Variants in DOCK1 observed in about 807,000 individuals in gnomAD.
DOCK1 encodes dedicator of cytokinesis protein 1.
A neutral mutation model predicts 262.7 loss-of-function variants in DOCK1; 138 were observed. The observed-to-expected ratio is 0.53, with a 90% CI of 0.46 to 0.61. The LOEUF (loss-of-function observed/expected upper bound fraction) is 0.61. Ranked by LOEUF, DOCK1 falls within the 20% of genes least tolerant of loss-of-function variation. The pLI, the probability that DOCK1 is intolerant of heterozygous loss-of-function variation, is 0.00. For missense variants in DOCK1, 1,908 were observed against 2,370.7 expected (o/e 0.80, Z 4.05); for synonymous variants, 866 against 867.4 (o/e 1.00, Z 0.03).
chr10:127,169,079 G>A (rs374481411), intron 27 of DOCK1, among the ~76,000 whole-genome samples: 2 of 152,104 alleles, frequency 1.3e-5, no homozygotes, highest in Admixed American at 1.3e-4. Flanking sequence ...GTCACATCAC[G>A]CAAACATGTT....
At chr10:127,331,104 A>C (rs1219192281) in intron 29 of DOCK1, among the ~76,000 whole-genome samples, 1 of 152,190 alleles carries the variant, frequency 6.6e-6, no homozygotes, top group Non-Finnish European at 1.5e-5. Flanking sequence ...AAGTGGCTAA[A>C]GGTGATATAG....
intron 1 of DOCK1, among the ~76,000 whole-genome samples, chr10:126,906,120 C>G (rs936844178): frequency 6.6e-6 from 1 of 152,214 alleles, no homozygotes; most frequent in Non-Finnish European, 1.5e-5. Context: ...TCGGCGGTCT[C>G]GCTGGGGACC....
chr10:127,253,475 A>G (rs982618476), intron 28 of DOCK1, among the ~76,000 whole-genome samples: 5 of 152,170 alleles, frequency 3.3e-5, no homozygotes, highest in Admixed American at 2.0e-4. Flanking sequence ...AGATTCTGCA[A>G]GGAAAAGGGC....
In DOCK1 at chr10:127,234,884, T is replaced by G. The variant is rs182254420; in HGVS notation, c.2848-13124T>G. Among the ~76,000 whole-genome samples, 396 of 149,766 alleles carry G rather than the reference T, an allele frequency of 2.6e-3. 1 individual carries two copies. Among genetic ancestry groups the G allele is most frequent in the African/African-American group, 9.2e-3 (380 of 41,160 alleles). On this transcript the variant is annotated intron_variant, in intron 27 of 51. Coordinates refer to ENST00000623213, the MANE Select transcript of DOCK1 (RefSeq NM_001290223.2). ...CTTATAGGACATGGTGATTTTCAGA[T>G]TTTCTTCTTTATTTTAAAATATATA...
chr10:127,283,744 A>G (rs2061049008), intron 29 of DOCK1, among the ~76,000 whole-genome samples: 1 of 152,228 alleles, frequency 6.6e-6, no homozygotes, highest in African/African-American at 2.4e-5. Flanking sequence ...ATGAGAGTCT[A>G]TCCAGTGGGT....
chr10:127,397,448 AAGGG>A (rs2066953436), intron 38 of DOCK1, among the ~76,000 whole-genome samples: 4 of 146,014 alleles, frequency 2.7e-5, no homozygotes, highest in African/African-American at 7.7e-5. Context: ...CATGAGTTAC[AAGGG>A]CAGTGTCTCC....
chr10:126,993,939 C>T (rs2039988323), intron 6 of DOCK1, among the ~76,000 whole-genome samples: 1 of 152,202 alleles, frequency 6.6e-6, no homozygotes, highest in African/African-American at 2.4e-5. Context: ...TTAGATGGAA[C>T]ATTTATTGGC....
At chr10:126,982,541 C>A (rs567286165) in intron 4 of DOCK1, among the ~76,000 whole-genome samples, 2 of 152,300 alleles carry the variant, frequency 1.3e-5, no homozygotes, top group East Asian at 3.9e-4. Context: ...GAAGAAGGAA[C>A]ATTAAAATGT....
At chr10:127,339,271 C>T (rs1360205754) in intron 30 of DOCK1, among the ~76,000 whole-genome samples, 187 bp downstream of exon 30, 1 of 152,016 alleles carries the variant, frequency 6.6e-6, no homozygotes, top group East Asian at 1.9e-4. Context: ...TTGGAGTATT[C>T]GCTTAATTTA....
chr10:126,936,186 G>A (rs2034547195), intron 1 of DOCK1, among the ~76,000 whole-genome samples: 1 of 152,156 alleles, frequency 6.6e-6, no homozygotes, highest in East Asian at 1.9e-4. Flanking sequence ...TTGCTATGTT[G>A]CCCAGGCTGG....
chr10:127,056,810 G>A (rs928989854), intron 22 of DOCK1, among the ~76,000 whole-genome samples: 2 of 152,138 alleles, frequency 1.3e-5, no homozygotes, highest in Admixed American at 1.3e-4. Context: ...GCACCTAGCC[G>A]CATTGTGCAG....
At chr10:127,292,616 T>G (rs570868708) in intron 29 of DOCK1, among the ~76,000 whole-genome samples, 1 of 152,158 alleles carries the variant, frequency 6.6e-6, no homozygotes, top group African/African-American at 2.4e-5. Flanking sequence ...TGATCATTAC[T>G]CTCTGTGACT....
intron 46 of DOCK1, among the ~76,000 whole-genome samples, chr10:127,420,685 C>G (rs894019937): frequency 3.9e-5 from 6 of 152,012 alleles, no homozygotes; most frequent in African/African-American, 1.4e-4. Flanking sequence ...GGGCAAGATA[C>G]AAAATTAGCT....
intron 19 of DOCK1, among the ~76,000 whole-genome samples, chr10:127,039,247 C>A (rs1486785767): frequency 6.6e-6 from 1 of 150,864 alleles, no homozygotes; most frequent in Non-Finnish European, 1.5e-5. Flanking sequence ...TTTTAAACTT[C>A]CCTGTGTTCT....
intron 13 of DOCK1, among the ~76,000 whole-genome samples, chr10:127,021,556 T>C (rs1291912564): frequency 6.6e-6 from 1 of 152,174 alleles, no homozygotes; most frequent in Non-Finnish European, 1.5e-5. Context: ...TCAGTGAGGC[T>C]GTTTAGTGGT....
At chr10:127,214,721 A>G (rs1589976187) in intron 27 of DOCK1, among the ~76,000 whole-genome samples, 2 of 152,172 alleles carry the variant, frequency 1.3e-5, no homozygotes, top group African/African-American at 4.8e-5. Context: ...TGCCAGGCCA[A>G]CAGGTCCTTA....
intron 23 of DOCK1, among the ~76,000 whole-genome samples, chr10:127,079,583 T>G (rs538677489): frequency 2.2e-4 from 33 of 152,306 alleles, no homozygotes; most frequent in African/African-American, 7.7e-4. Context: ...GAAGTGTTGT[T>G]CCTTTGTCTT....
chr10:127,131,763 A>G (rs1214282362), intron 27 of DOCK1, among the ~76,000 whole-genome samples: 2 of 152,232 alleles, frequency 1.3e-5, no homozygotes, highest in Non-Finnish European at 2.9e-5. Context: ...TAGACCTTCT[A>G]GAGTGGAAAA....
intron 22 of DOCK1, among the ~76,000 whole-genome samples, chr10:127,057,036 G>T (rs2045207248): frequency 6.6e-6 from 1 of 151,976 alleles, no homozygotes; most frequent in African/African-American, 2.4e-5. Flanking sequence ...GCTATCACAG[G>T]TCTGAAATGT....
Sources: allele counts gnomAD v4.1 joint callset (sites outside exome capture counted in the v4.1 genomes callset), GRCh38; gene constraint gnomAD v4.1.1; transcripts MANE v1.5; gene names NCBI Gene and HGNC (gene_info 2026-07-23, HGNC 2026-07-21).